The following ZNF670 variants were observed in gnomAD, a reference collection of about 807,000 sequenced individuals.
ZNF670 encodes zinc finger protein 670.
In ZNF670, 7 loss-of-function variants were observed where a neutral mutation model predicts 10.9. The ratio of observed to expected loss-of-function variants is 0.64; its 90% CI spans 0.36 to 1.20. The LOEUF is 1.20. ZNF670 is among the 50% of genes most tolerant of loss of function. The probability of loss-of-function intolerance (pLI) is 0.02; values close to 1 mark genes in which losing one functional copy is unlikely to be tolerated. For missense variants in ZNF670, 446 were observed against 458.6 expected, an observed-to-expected ratio of 0.97 and a Z score of 0.25; for synonymous variants, 136 against 152.7, an observed-to-expected ratio of 0.89 and a Z score of 0.81.
intron 1 of ZNF670, among the ~76,000 whole-genome samples, chr1:247,069,190 T>C (rs1282634730): frequency 6.6e-6 from 1 of 151,150 alleles, no homozygotes; most frequent in African/African-American, 2.5e-5. Flanking sequence ...AGAGTGTAAT[T>C]TGATTGTAAC....
intron 1 of ZNF670, among the ~76,000 whole-genome samples, chr1:247,071,192 T>C (rs544677330): frequency 6.6e-6 from 1 of 152,314 alleles, no homozygotes; most frequent in Middle Eastern, 3.4e-3. Context: ...GCAGCACTAT[T>C]CACAATAGCA....
chr1:247,066,275 A>T (rs1296076382), intron 1 of ZNF670, among the ~76,000 whole-genome samples: 1 of 152,018 alleles, frequency 6.6e-6, no homozygotes, highest in Non-Finnish European at 1.5e-5. Flanking sequence ...GAGGACCAGG[A>T]CTCATTTCTG....
Position 247,039,546 on chromosome 1 carries a change from T to G in ZNF670, c.4-9A>C, listed in dbSNP as rs1432473355. Reference sequence around the variant, plus strand: ...TCAAATGACACTGAATCCTAGAATATCGCACATATGTGGAGAGGAGGATGG... The same window carrying G: ...TCAAATGACACTGAATCCTAGAATAGCGCACATATGTGGAGAGGAGGATGG... On this transcript the variant is annotated splice_polypyrimidine_tract_variant and intron_variant, in intron 1 of 3. Coordinates refer to ENST00000366503, the MANE Select transcript of ZNF670 (RefSeq NM_033213.5). The G allele has an allele frequency of 4.4e-6, 7 of 1,577,972 alleles. No homozygotes were observed. Among genetic ancestry groups the G allele is most frequent in the African/African-American group, 2.8e-5 (2 of 72,182 alleles).
intron 1 of ZNF670, among the ~76,000 whole-genome samples, chr1:247,045,204 C>T (rs1281339627): frequency 6.6e-6 from 1 of 152,178 alleles, no homozygotes; most frequent in Non-Finnish European, 1.5e-5. Context: ...AGTTTGAGAA[C>T]ATCTCCTGGG....
At chr1:247,076,195 C>T (rs1671246679) in intron 1 of ZNF670, among the ~76,000 whole-genome samples, 1 of 151,998 alleles carries the variant, frequency 6.6e-6, no homozygotes, top group Non-Finnish European at 1.5e-5. Flanking sequence ...CCATTCTCCT[C>T]ACAGAAATAC....
At chr1:247,043,232 G>T in intron 1 of ZNF670, 1 of 691,632 alleles carries the variant, frequency 1.4e-6, no homozygotes, top group Non-Finnish European at 2.7e-6. Flanking sequence ...CACTGAAGGA[G>T]GACTTTGGAT....
In ZNF670 at chr1:247,072,815, T is replaced by C. The variant is rs1200237881; in HGVS notation, c.3+5779A>G. 5.2e-4 allele frequency among the ~76,000 whole-genome samples: 23 copies of C among 44,214 alleles called. 1 individual carries two copies. The highest frequency in any genetic ancestry group is 3.6e-3 in the African/African-American group (23 of 6,302). The allele number at this position is 44,214 out of a possible 152,430, so 29.0% of individuals were successfully genotyped here. On this transcript the variant is annotated intron_variant, in intron 1 of 3. Coordinates refer to ENST00000366503, the MANE Select transcript of ZNF670 (RefSeq NM_033213.5). ...AAAAAAAAGTGTGTGTATATATATA[T>C]ATATATATATATATATATATATATG...
chr1:247,071,484 ATAGGGTGAGGGTCTAAAAACTACCTAT>A (rs1331309153), intron 1 of ZNF670, among the ~76,000 whole-genome samples: 1 of 152,252 alleles, frequency 6.6e-6, no homozygotes, highest in Non-Finnish European at 1.5e-5. Flanking sequence ...AATGGTGAAA[ATAGGGTGAGGGTCTAAAAACTACCTAT>A]TGGTTACTAT....
chr1:247,058,401 T>C (rs916880696), intron 1 of ZNF670, among the ~76,000 whole-genome samples: 3 of 152,154 alleles, frequency 2.0e-5, no homozygotes, highest in African/African-American at 7.2e-5. Context: ...ATTTAAAGCA[T>C]GGAGGGCATG....
chr1:247,078,232 A>G (rs1671298502), intron 1 of ZNF670, among the ~76,000 whole-genome samples: 1 of 152,206 alleles, frequency 6.6e-6, no homozygotes, highest in Admixed American at 6.5e-5. Flanking sequence ...TCTTTCTAAC[A>G]GGAGAAAGGA....
At position 247,036,677 on chromosome 1, in the gene ZNF670, T is replaced by C. The variant is rs1422920520; in HGVS notation, c.*772A>G. 6.6e-6 allele frequency: 1 copy of C among 151,844 alleles called. No individual in the cohort carries two copies. Among genetic ancestry groups the C allele is most frequent in the Non-Finnish European group, 1.5e-5 (1 of 67,980 alleles). 9.4% of individuals were successfully genotyped at this position (151,844 alleles called of 1,614,324 possible). On this transcript the variant is annotated 3_prime_UTR_variant, in exon 4 of 4. Transcript: ENST00000366503. ...TGAGACCCTCTCTAAAAACATAACA[T>C]TTTTTAAAAAAGTGAACTATGCAAG...
rs76880556 is a variant in ZNF670, at chr1:247,037,982, G to C, written c.637C>G (p.Arg213Gly). Residue 213 changes from arginine to glycine, a missense_variant, in exon 4 of 4, where the codon CGT (arginine) becomes GGT (glycine). By Grantham distance (125) the Arg-to-Gly change is moderately radical. Transcript: ENST00000366503. ...DKAFNYSSYLREHERTHTGEK... is the reference protein window; with the variant it reads ...DKAFNYSSYLGEHERTHTGEK... ...CCAGTATGAGTTCTTTCATGTTCAC[G>C]AAGATAACTTGAATAATTGAAGGCT... 2.5e-6 allele frequency: 4 copies of C among 1,613,280 alleles called. No homozygotes were observed. Among genetic ancestry groups the C allele is most frequent in the Non-Finnish European group, 3.4e-6 (4 of 1,179,704 alleles).
intron 1 of ZNF670, among the ~76,000 whole-genome samples, chr1:247,065,787 G>A (rs1473562791): frequency 6.6e-6 from 1 of 152,094 alleles, no homozygotes; most frequent in African/African-American, 2.4e-5. Flanking sequence ...AAACAAATAA[G>A]GCTAAGTATT....
At chr1:247,057,415 G>A (rs1670746302) in intron 1 of ZNF670, among the ~76,000 whole-genome samples, 1 of 152,180 alleles carries the variant, frequency 6.6e-6, no homozygotes, top group Non-Finnish European at 1.5e-5. Context: ...CAACCACTCT[G>A]GAGAACAGTT....
chr1:247,038,094 C>T lies in ZNF670; in HGVS notation c.525G>A (p.Glu175=). The T allele has an allele frequency of 6.2e-7, 1 of 1,614,154 alleles. No homozygotes were observed. The highest frequency in any genetic ancestry group is 8.5e-7 in the Non-Finnish European group (1 of 1,180,004). ...SNGPYKGPVY[E]KPFDFPSVFQ... ...ATACACTAGGAAAATCAAAAGGCTT[C>T]TCATACACTGGACCCTTATAAGGCC... Residue 175 remains glutamate (E), a synonymous_variant, in exon 4 of 4, where the codon GAG becomes GAA. Coordinates refer to ENST00000366503, the MANE Select transcript of ZNF670 (RefSeq NM_033213.5).
chr1:247,053,512 T>C (rs1670645522), intron 1 of ZNF670, among the ~76,000 whole-genome samples: 1 of 152,154 alleles, frequency 6.6e-6, no homozygotes, highest in African/African-American at 2.4e-5. Context: ...GGCAGGCGCC[T>C]GTAGTCCCAG....
chr1:247,065,316 C>T (rs1670955777), intron 1 of ZNF670, among the ~76,000 whole-genome samples: 2 of 152,170 alleles, frequency 1.3e-5, no homozygotes, highest in Admixed American at 1.3e-4. Flanking sequence ...TAAACATATT[C>T]CAAGTTTGAG....
chr1:247,074,413 C>G (rs1056342053), intron 1 of ZNF670, among the ~76,000 whole-genome samples: 4 of 151,860 alleles, frequency 2.6e-5, no homozygotes, highest in Admixed American at 6.6e-5. Context: ...TTTTTCTAAT[C>G]TAGTTTGCTC....
At chr1:247,072,804 G>GTATATA (rs74163726) in intron 1 of ZNF670, among the ~76,000 whole-genome samples, 1,379 of 47,472 alleles carry the variant, frequency 0.029, 71 homozygotes, top group East Asian at 0.18. Context: ...AAAAGTGTGT[G>GTATATA]TATATATATA....
Sources: allele counts gnomAD v4.1 joint callset (sites outside exome capture counted in the v4.1 genomes callset), GRCh38; gene constraint gnomAD v4.1.1; transcripts MANE v1.5; gene names NCBI Gene and HGNC (gene_info 2026-07-23, HGNC 2026-07-21).